Variants in FRMD4A observed in about 807,000 individuals in gnomAD.
FRMD4A encodes FERM domain containing 4A.
FRMD4A carries 29 observed loss-of-function variants against 129.1 expected under a neutral mutation model. The observed-to-expected ratio is 0.22, with a 90% CI of 0.17 to 0.31. The LOEUF (loss-of-function observed/expected upper bound fraction) is 0.31. FRMD4A is among the 10% of genes least tolerant of loss of function. The pLI is 1.00. For missense variants in FRMD4A, 1,272 were observed against 1,375.8 expected (o/e 0.92, Z 1.19); for synonymous variants, 634 against 571.6 (o/e 1.11, Z -1.56).
chr10:13,974,813 C>T (rs113178639), intron 2 of FRMD4A, among the ~76,000 whole-genome samples: 7,396 of 152,224 alleles, frequency 0.049, 415 homozygotes, highest in African/African-American at 0.13. Flanking sequence ...AGGTGTGAGC[C>T]ACTGCACCTG....
intron 14 of FRMD4A, among the ~76,000 whole-genome samples, chr10:13,696,648 G>A (rs1323605165): frequency 6.6e-6 from 1 of 152,214 alleles, no homozygotes; most frequent in African/African-American, 2.4e-5. Context: ...GGAGGCTGAG[G>A]CAGGAGAATT....
At chr10:13,676,778 A>G (rs904749612) in intron 15 of FRMD4A, among the ~76,000 whole-genome samples, 1 of 152,178 alleles carries the variant, frequency 6.6e-6, no homozygotes, top group African/African-American at 2.4e-5. Flanking sequence ...AGACAGAAAG[A>G]TACACTGTGG....
At chr10:14,202,366 C>T (rs1306591089) in intron 2 of FRMD4A, among the ~76,000 whole-genome samples, 1 of 152,176 alleles carries the variant, frequency 6.6e-6, no homozygotes, top group African/African-American at 2.4e-5. Context: ...GTCCTCATCT[C>T]AAACACCTGG....
At chr10:13,803,192 T>A (rs2093292341) in intron 4 of FRMD4A, among the ~76,000 whole-genome samples, 1 of 149,768 alleles carries the variant, frequency 6.7e-6, no homozygotes, top group African/African-American at 2.4e-5. Context: ...CTGATTTCAC[T>A]ATAAACCTTT....
chr10:13,675,151 G>T, intron 15 of FRMD4A, 107 bp from the exon 16 acceptor site: 1 of 992,240 alleles, frequency 1.0e-6, no homozygotes, highest in Non-Finnish European at 1.6e-6. Context: ...TTTACCCCAG[G>T]AATCAAGGGA....
At chr10:13,709,284 C>G (rs918426618) in intron 12 of FRMD4A, among the ~76,000 whole-genome samples, 6 of 152,160 alleles carry the variant, frequency 3.9e-5, no homozygotes, top group African/African-American at 1.4e-4. Context: ...GCTGCTGGAC[C>G]TGACACAAGT....
intron 4 of FRMD4A, among the ~76,000 whole-genome samples, chr10:13,797,445 C>A (rs1441751335): frequency 2.0e-5 from 3 of 152,122 alleles, no homozygotes; most frequent in Admixed American, 6.5e-5. Flanking sequence ...GCAGAAAGAC[C>A]AGCCCGTGCA....
intron 2 of FRMD4A, among the ~76,000 whole-genome samples, chr10:14,292,711 A>C (rs1305301724): frequency 1.3e-5 from 2 of 152,160 alleles, no homozygotes; most frequent in Non-Finnish European, 2.9e-5. Context: ...GACGCAGAAG[A>C]ATGGTATGAA....
chr10:13,665,691 G>C (rs7077521), intron 18 of FRMD4A, among the ~76,000 whole-genome samples: 1,890 of 152,262 alleles, frequency 0.012, 46 homozygotes, highest in African/African-American at 0.043. Flanking sequence ...TCGAAGACAG[G>C]GATCACTGCT....
rs147107653 is a variant in FRMD4A at position 13,791,651 on chromosome 10, C to T, written c.299+4845G>A. ...GAGAACAGGGTTTATCAGTTTTGTT[C>T]GCTGCTCTGTCCTTGGCTCCTAGAG... is the stretch of plus-strand genomic sequence containing the variant. On this transcript the variant is annotated intron_variant, in intron 5 of 24. Transcript: ENST00000357447. Among the ~76,000 whole-genome samples the T allele has an allele frequency of 5.0e-3, 755 of 152,266 alleles. 12 individuals are homozygous for T. The highest frequency in any genetic ancestry group is 0.017 in the African/African-American group (725 of 41,550).
At chr10:14,065,476 C>T (rs879847993) in intron 2 of FRMD4A, among the ~76,000 whole-genome samples, 8 of 152,078 alleles carry the variant, frequency 5.3e-5, no homozygotes, top group Non-Finnish European at 8.8e-5. Context: ...CCACCATACC[C>T]GGCCCTAATT....
chr10:14,125,266 G>A (rs12220036), intron 2 of FRMD4A, among the ~76,000 whole-genome samples: 55,695 of 151,940 alleles, frequency 0.37, 10,650 homozygotes, highest in East Asian at 0.52. Context: ...ATTACAAGTA[G>A]TGTCCCCAGC....
At chr10:14,008,490 G>T (rs924732059) in intron 2 of FRMD4A, 2 of 993,158 alleles carry the variant, frequency 2.0e-6, no homozygotes, top group African/African-American at 3.5e-5. Context: ...CGCGTCTGGG[G>T]AGAGTGATCC....
intron 2 of FRMD4A, among the ~76,000 whole-genome samples, chr10:14,054,748 T>C (rs2131692493): frequency 6.6e-6 from 1 of 152,220 alleles, no homozygotes; most frequent in East Asian, 1.9e-4. Flanking sequence ...AATCCCCACA[T>C]GTTGTGGGAG....
At chr10:14,192,606 G>C in intron 2 of FRMD4A, among the ~76,000 whole-genome samples, 1 of 152,072 alleles carries the variant, frequency 6.6e-6, no homozygotes, top group East Asian at 1.9e-4. Flanking sequence ...GGATCTCTTG[G>C]ACTTATGTAT....
intron 2 of FRMD4A, among the ~76,000 whole-genome samples, chr10:14,165,561 C>T (rs1011083230): frequency 6.6e-6 from 1 of 152,130 alleles, no homozygotes; most frequent in Non-Finnish European, 1.5e-5. Context: ...ACACATTTCT[C>T]TATTTATCAC....
intron 2 of FRMD4A, among the ~76,000 whole-genome samples, chr10:13,920,653 T>A (rs1041210651): frequency 2.0e-5 from 3 of 152,210 alleles, no homozygotes; most frequent in African/African-American, 7.2e-5. Flanking sequence ...CTGTCATTAC[T>A]GCGGTGTCAG....
rs1333325387 is a variant in FRMD4A, at chr10:14,014,483, A to G, written c.46-155571T>C. Reference sequence around the variant, plus strand: ...GGAAGGGAAACCCTGTGTTTCTTCAACATTCCATCTCCATCCCATTACCTC... The same window carrying G: ...GGAAGGGAAACCCTGTGTTTCTTCAGCATTCCATCTCCATCCCATTACCTC... On this transcript the variant is annotated intron_variant, in intron 2 of 24. Coordinates refer to ENST00000357447, the MANE Select transcript of FRMD4A (RefSeq NM_018027.5). Among the ~76,000 whole-genome samples the G allele has an allele frequency of 2.6e-5, 4 of 152,192 alleles. No homozygotes were observed. The East Asian group carries it at 7.7e-4, about 29-fold the overall frequency.
At chr10:14,202,379 A>G (rs1842663448) in intron 2 of FRMD4A, among the ~76,000 whole-genome samples, 1 of 152,080 alleles carries the variant, frequency 6.6e-6, no homozygotes, top group African/African-American at 2.4e-5. Flanking sequence ...ACACCTGGTT[A>G]GTTTTTAGTT....
Sources: gnomAD v4.1 joint callset for allele counts (sites outside exome capture counted in the v4.1 genomes callset) on GRCh38, gnomAD v4.1.1 for gene constraint, MANE v1.5 for transcripts, NCBI Gene and HGNC (gene_info 2026-07-23, HGNC 2026-07-21) for gene names.